The following SNX29 variants were observed in gnomAD, a reference collection of about 807,000 sequenced individuals.
The protein encoded by SNX29 is sorting nexin-29.
SNX29 carries 78 observed loss-of-function variants against 102.1 expected under a neutral mutation model. That is an observed-to-expected ratio of 0.76 (90% confidence interval 0.64 to 0.92). The LOEUF (loss-of-function observed/expected upper bound fraction) is 0.92, where lower values mean the gene tolerates loss of function less well. Among genes scored for constraint, SNX29 ranks in the 40% least tolerant of loss-of-function variants. The pLI, the probability that SNX29 is intolerant of heterozygous loss-of-function variation, is 0.00. For missense variants in SNX29, 1,280 were observed against 1,061.7 expected (o/e 1.21, Z -2.86); for synonymous variants, 580 against 414.5 (o/e 1.40, Z -4.85).
intron 13 of SNX29, among the ~76,000 whole-genome samples, chr16:12,179,747 C>T (rs1395837287): frequency 3.3e-5 from 5 of 152,152 alleles, no homozygotes; most frequent in Admixed American, 2.6e-4. Flanking sequence ...AGTTGTTACA[C>T]GTTGTTACTA....
rs75981896 is a variant in SNX29 at position 12,567,545 on chromosome 16, G to A, written c.2319-961G>A. Among the ~76,000 whole-genome samples the A allele has an allele frequency of 2.6e-5, 4 of 152,060 alleles. No homozygotes were observed. In the South Asian group the frequency reaches 8.3e-4, roughly 32 times the overall value. On this transcript the variant is annotated intron_variant, in intron 20 of 20. Transcript: ENST00000566228. The stretch of plus-strand genomic sequence containing the variant: ...CACACCTGTAATCCCAGCACTTTAG[G>A]AGGCTGAGCAAGAGGATCACTTGAG...
intron 3 of SNX29, among the ~76,000 whole-genome samples, chr16:12,018,847 G>A (rs908335975): frequency 1.1e-4 from 16 of 151,052 alleles, no homozygotes; most frequent in South Asian, 4.2e-4. Context: ...CGATGCCTCC[G>A]TAAGAGCTGG....
chr16:12,282,219 A>AG (rs1171367996), intron 15 of SNX29, among the ~76,000 whole-genome samples: 3 of 152,294 alleles, frequency 2.0e-5, no homozygotes, highest in African/African-American at 7.2e-5. Context: ...ACTTGACGGA[A>AG]GAGACGATCA....
chr16:12,002,766 C>G (rs1327620754), intron 2 of SNX29, among the ~76,000 whole-genome samples: 1 of 152,216 alleles, frequency 6.6e-6, no homozygotes, highest in Non-Finnish European at 1.5e-5. Context: ...TGCTTCTGTA[C>G]AAGTGGGAGA....
At chr16:12,371,632 G>A (rs190857409) in intron 16 of SNX29, among the ~76,000 whole-genome samples, 48 of 152,244 alleles carry the variant, frequency 3.2e-4, no homozygotes, top group African/African-American at 1.0e-3. Flanking sequence ...CGGGGAGAGT[G>A]GCTTCCTTTC....
chr16:12,452,657 C>A (rs1333735666), intron 18 of SNX29, among the ~76,000 whole-genome samples: 2 of 152,012 alleles, frequency 1.3e-5, no homozygotes, highest in Non-Finnish European at 1.5e-5. Flanking sequence ...GGGTCACCAG[C>A]CCTGGGGACT....
At chr16:12,442,716 G>A (rs561292859) in intron 18 of SNX29, among the ~76,000 whole-genome samples, 4 of 151,698 alleles carry the variant, frequency 2.6e-5, no homozygotes, top group East Asian at 1.9e-4. Flanking sequence ...TCAACCTCTC[G>A]AGTAGCTGGG....
intron 20 of SNX29, among the ~76,000 whole-genome samples, chr16:12,560,232 G>A (rs2078645863): frequency 1.3e-5 from 2 of 149,992 alleles, no homozygotes; most frequent in Admixed American, 1.3e-4. Flanking sequence ...AGAGCTTGCA[G>A]AAGAAAAGCC....
intron 15 of SNX29, among the ~76,000 whole-genome samples, chr16:12,298,841 A>G (rs545516278): frequency 6.6e-6 from 1 of 152,080 alleles, no homozygotes; most frequent in African/African-American, 2.4e-5. Context: ...CGTGATTCCT[A>G]TGTGCCTGAT....
At chr16:12,202,357 G>A (rs753394664) in intron 14 of SNX29, among the ~76,000 whole-genome samples, 7 of 152,022 alleles carry the variant, frequency 4.6e-5, no homozygotes, top group Middle Eastern at 3.4e-3. Flanking sequence ...TTTCTTCCCC[G>A]AATGTGGTCC....
chr16:12,355,786 A>G (rs1331361112), intron 15 of SNX29, among the ~76,000 whole-genome samples: 5 of 142,556 alleles, frequency 3.5e-5, no homozygotes, highest in East Asian at 2.3e-4. Flanking sequence ...GCGCATAGCC[A>G]GGGCTCTGGT....
intron 13 of SNX29, among the ~76,000 whole-genome samples, chr16:12,176,871 G>A (rs147966202): frequency 1.3e-5 from 2 of 152,256 alleles, no homozygotes; most frequent in Non-Finnish European, 2.9e-5. Flanking sequence ...ATTTTACTAG[G>A]GTTTATGACT....
intron 15 of SNX29, among the ~76,000 whole-genome samples, chr16:12,299,217 T>C (rs1034434762): frequency 3.9e-5 from 6 of 151,998 alleles, no homozygotes; most frequent in African/African-American, 1.5e-4. Flanking sequence ...GGAGAATCGC[T>C]GGCACCCAGG....
chr16:12,430,996 G>A (rs776887920), intron 18 of SNX29, among the ~76,000 whole-genome samples: 6 of 152,046 alleles, frequency 3.9e-5, no homozygotes, highest in Non-Finnish European at 5.9e-5. Flanking sequence ...GGGATTAGAG[G>A]CACCTGCCAC....
chr16:12,452,759 G>A (rs1177268167), intron 18 of SNX29, among the ~76,000 whole-genome samples: 2 of 152,130 alleles, frequency 1.3e-5, no homozygotes, highest in East Asian at 3.9e-4. Context: ...GAGGAGCCGG[G>A]TGGTGAAGGT....
At chr16:12,059,276 TCTC>T (rs1317221173) in intron 8 of SNX29, among the ~76,000 whole-genome samples, 1 of 152,158 alleles carries the variant, frequency 6.6e-6, no homozygotes, top group Non-Finnish European at 1.5e-5. Context: ...TTTGCTGCCT[TCTC>T]CTGAAAGGGC....
chr16:12,568,390 C>T lies in SNX29; in HGVS notation c.2319-116C>T, dbSNP rs959497726. The T allele has an allele frequency of 1.2e-5, 16 of 1,372,756 alleles. No individual in the cohort carries two copies. In the African/African-American group the frequency reaches 1.4e-4, roughly 12 times the overall value. 85.0% of individuals were successfully genotyped at this position (1,372,756 alleles called of 1,614,324 possible). A position where few individuals can be genotyped will look rare whatever the true frequency, so the allele number is the denominator to read the frequency against. On this transcript the variant is annotated intron_variant, in intron 20 of 20. Transcript: ENST00000566228. ...ACCAGTTAGAGGCAGATCCAATGAG[C>T]CAGTCACAGTTGCCAATCAGATCCC...
At chr16:12,298,031 ATGG>A (rs1183383966) in intron 15 of SNX29, among the ~76,000 whole-genome samples, 1 of 152,164 alleles carries the variant, frequency 6.6e-6, no homozygotes, top group African/African-American at 2.4e-5. Flanking sequence ...ATAGCTTGGC[ATGG>A]TGGTGTGCGT....
intron 14 of SNX29, among the ~76,000 whole-genome samples, chr16:12,240,540 T>C (rs1298241687): frequency 3.3e-5 from 5 of 151,314 alleles, no homozygotes; most frequent in African/African-American, 9.7e-5. Flanking sequence ...TGTTTTTTGA[T>C]GCGGCTGTGC....
Sources: gnomAD v4.1 joint callset for allele counts (sites outside exome capture counted in the v4.1 genomes callset) on GRCh38, gnomAD v4.1.1 for gene constraint, MANE v1.5 for transcripts, NCBI Gene and HGNC (gene_info 2026-07-23, HGNC 2026-07-21) for gene names.